The following CPLX2 variants were observed in gnomAD, a reference collection of about 807,000 sequenced individuals.
CPLX2 encodes complexin-2.
A neutral mutation model predicts 16.3 loss-of-function variants in CPLX2; 5 were observed. That is an observed-to-expected ratio of 0.31 (90% CI 0.16 to 0.64). The LOEUF (loss-of-function observed/expected upper bound fraction) is 0.64. Among genes scored for constraint, CPLX2 ranks in the 30% least tolerant of loss-of-function variants. CPLX2 has a pLI of 0.79. For synonymous variants in CPLX2, 89 were observed against 73.2 expected, an observed-to-expected ratio of 1.22 and a Z score of -1.10; for missense variants, 144 against 181.4, an observed-to-expected ratio of 0.79 and a Z score of 1.18.
intron 2 of CPLX2, among the ~76,000 whole-genome samples, chr5:175,825,299 C>T (rs1758590957): frequency 6.6e-6 from 1 of 151,702 alleles, no homozygotes; most frequent in African/African-American, 2.4e-5. Context: ...GAGGCTGAGG[C>T]AGAATTGCTT....
intron 2 of CPLX2, among the ~76,000 whole-genome samples, chr5:175,853,601 C>G (rs974364452): frequency 6.6e-6 from 1 of 152,182 alleles, no homozygotes; most frequent in African/African-American, 2.4e-5. Flanking sequence ...GGGGCAGAGT[C>G]TCTCGGAGGT....
intron 2 of CPLX2, among the ~76,000 whole-genome samples, chr5:175,847,644 G>A (rs1197649068): frequency 6.6e-6 from 1 of 152,232 alleles, no homozygotes; most frequent in Non-Finnish European, 1.5e-5. Context: ...GAGAACGGGA[G>A]GTCCTGCTTA....
At chr5:175,859,175 A>C (rs1759316720) in intron 2 of CPLX2, among the ~76,000 whole-genome samples, 1 of 152,244 alleles carries the variant, frequency 6.6e-6, no homozygotes, top group Non-Finnish European at 1.5e-5. Context: ...ATTGCAAAGA[A>C]AAAAGCATCT....
At position 175,882,355 on chromosome 5, in the gene CPLX2, G is replaced by A. The variant is rs1444645357; in HGVS notation, c.*2310G>A. Reference sequence around the variant, plus strand: ...CAGTCCCAGTGTGCGAGCCCCACTTGGACACAAGTGTTCAGAGAGGTCCCC... The same window carrying A: ...CAGTCCCAGTGTGCGAGCCCCACTTAGACACAAGTGTTCAGAGAGGTCCCC... On this transcript the variant is annotated 3_prime_UTR_variant, in exon 4 of 4. Coordinates refer to ENST00000393745, the MANE Select transcript of CPLX2 (RefSeq NM_001008220.2). 1 of 152,648 alleles carries A rather than the reference G, an allele frequency of 6.6e-6. No homozygotes were observed. The highest frequency in any genetic ancestry group is 1.5e-5 in the Non-Finnish European group (1 of 68,072). 9.5% of individuals were successfully genotyped at this position (152,648 alleles called of 1,614,324 possible). A position where few individuals can be genotyped will look rare whatever the true frequency, so the allele number is the denominator to read the frequency against.
intron 2 of CPLX2, among the ~76,000 whole-genome samples, chr5:175,850,085 A>G (rs1233244405): frequency 1.3e-5 from 2 of 152,102 alleles, no homozygotes; most frequent in Non-Finnish European, 2.9e-5. Context: ...GCAATGGCGC[A>G]GGCCGAGTGA....
upstream of CPLX2, chr5:175,871,442 A>AGAGAGAGAGAGAGAGAGAGG: frequency 1.2e-5 from 1 of 80,460 alleles, no homozygotes; most frequent in Non-Finnish European, 3.0e-5. Context: ...ACAGAGAGAG[A>AGAGAGAGAGAGAGAGAGAGG]GAGAGAGAGA....
At chr5:175,853,479 A>C (rs1759194655) in intron 2 of CPLX2, among the ~76,000 whole-genome samples, 1 of 152,084 alleles carries the variant, frequency 6.6e-6, no homozygotes, top group Non-Finnish European at 1.5e-5. Flanking sequence ...TCACCTGCTG[A>C]AAGAGCTGGG....
rs564413988 is a variant in CPLX2 at position 175,882,616 on chromosome 5, C to G, written c.*2571C>G. 3 of 152,918 alleles carry G rather than the reference C, an allele frequency of 2.0e-5. No homozygotes were observed. The highest frequency in any genetic ancestry group is 7.2e-5 in the African/African-American group (3 of 41,594). The allele number at this position is 152,918 out of a possible 1,614,324, so 9.5% of individuals were successfully genotyped here. A position where few individuals can be genotyped will look rare whatever the true frequency, so the allele number is the denominator to read the frequency against. ...TGGGATCGGGGCTTTCAGCCCCACCCTGATGCCTGCCCTCCAGGATGGCTG... is the reference window on the plus strand; with the variant it reads ...TGGGATCGGGGCTTTCAGCCCCACCGTGATGCCTGCCCTCCAGGATGGCTG... On this transcript the variant is annotated 3_prime_UTR_variant, in exon 4 of 4. Coordinates refer to ENST00000393745, the MANE Select transcript of CPLX2 (RefSeq NM_001008220.2).
In CPLX2 at chr5:175,882,522, G is replaced by A. The variant is rs1004265623; in HGVS notation, c.*2477G>A. 3.3e-5 allele frequency: 5 copies of A among 152,858 alleles called. No individual in the cohort carries two copies. The highest frequency in any genetic ancestry group is 1.2e-4 in the African/African-American group (5 of 41,470). 9.5% of individuals were successfully genotyped at this position (152,858 alleles called of 1,614,324 possible). A position where few individuals can be genotyped will look rare whatever the true frequency, so the allele number is the denominator to read the frequency against. ...CGAACCAGATACCCCAGGTGGGCCG[G>A]AGGGACCCCAGACCTTCAGAGGGCT... On this transcript the variant is annotated 3_prime_UTR_variant, in exon 4 of 4. Coordinates refer to ENST00000393745, the MANE Select transcript of CPLX2 (RefSeq NM_001008220.2).
At chr5:175,838,933 C>T (rs1187337364) in intron 2 of CPLX2, among the ~76,000 whole-genome samples, 1 of 152,246 alleles carries the variant, frequency 6.6e-6, no homozygotes, top group Non-Finnish European at 1.5e-5. Flanking sequence ...AATCCTGGCT[C>T]TGTCTCCTAA....
chr5:175,855,083 C>T (rs540737029), intron 2 of CPLX2, among the ~76,000 whole-genome samples: 32 of 152,304 alleles, frequency 2.1e-4, no homozygotes, highest in African/African-American at 7.5e-4. Flanking sequence ...GAGGGTGTAG[C>T]CAGCAAGGCT....
chr5:175,804,109 T>C (rs923971037), intron 1 of CPLX2, among the ~76,000 whole-genome samples: 1 of 152,150 alleles, frequency 6.6e-6, no homozygotes, highest in Non-Finnish European at 1.5e-5. Flanking sequence ...AAAAAAACCG[T>C]GATGAATAAA....
Position 175,830,606 on chromosome 5 carries a change from C to T in CPLX2, c.-89+21538C>T, listed in dbSNP as rs371446565. On this transcript the variant is annotated intron_variant, in intron 2 of 4. Coordinates refer to the CPLX2 transcript ENST00000359546. The surrounding 1 kb of genome is among the most constrained non-coding windows in gnomAD (Gnocchi z 4.0). ...GGACTCTGGTGGTCTCTTCGAGGGA[C>T]CCTCATACATAGCTCTGCAGGCAGG... is the stretch of plus-strand genomic sequence containing the variant. Among the ~76,000 whole-genome samples the T allele has an allele frequency of 3.9e-5, 6 of 152,372 alleles. No individual in the cohort carries two copies. In the East Asian group the frequency reaches 9.6e-4, roughly 24 times the overall value.
intron 1 of CPLX2, among the ~76,000 whole-genome samples, chr5:175,796,972 G>C (rs910736040): frequency 5.3e-5 from 8 of 152,202 alleles, no homozygotes; most frequent in African/African-American, 1.7e-4. Context: ...GGGCGCCTCG[G>C]GCTTCTCGCT....
chr5:175,879,156 T>TG, intron 3 of CPLX2, 73 bp downstream of exon 3: 1 of 1,443,094 alleles, frequency 6.9e-7, no homozygotes, highest in Admixed American at 2.3e-5. Context: ...AAGCCCCTGC[T>TG]GGGGCTCCCC....
chr5:175,838,493 C>A (rs1335225626), intron 2 of CPLX2, among the ~76,000 whole-genome samples: 2 of 152,106 alleles, frequency 1.3e-5, no homozygotes, highest in Non-Finnish European at 2.9e-5. Flanking sequence ...TGGTCTCGAT[C>A]TCCTGACCTC....
rs1581110805 is a variant in CPLX2, at chr5:175,883,614, C to T, written c.*3569C>T. The T allele has an allele frequency of 2.0e-5, 3 of 152,348 alleles. No individual in the cohort carries two copies. In the South Asian group the frequency reaches 6.2e-4, roughly 32 times the overall value. 9.4% of individuals were successfully genotyped at this position (152,348 alleles called of 1,614,324 possible). On this transcript the variant is annotated 3_prime_UTR_variant, in exon 4 of 4. Transcript: ENST00000393745. ...TCCATCCTCTAGGGTTCCACAGGCC[C>T]CTGACCGCACAGGGAGGCTGGGGCC...
chr5:175,810,734 A>G (rs1319598354), intron 2 of CPLX2, among the ~76,000 whole-genome samples: 1 of 152,224 alleles, frequency 6.6e-6, no homozygotes, highest in Admixed American at 6.5e-5. Flanking sequence ...CCAATTCTAT[A>G]ATGAATCAAT....
intron 2 of CPLX2, among the ~76,000 whole-genome samples, chr5:175,855,377 G>A (rs1759234844): frequency 6.6e-6 from 1 of 152,226 alleles, no homozygotes; most frequent in South Asian, 2.1e-4. Flanking sequence ...TGGATTAAGT[G>A]AAATAACACA....
Sources: allele counts gnomAD v4.1 joint callset (sites outside exome capture counted in the v4.1 genomes callset), GRCh38; gene constraint gnomAD v4.1.1; non-coding constraint Gnocchi (gnomAD v3.1); transcripts MANE v1.5; gene names NCBI Gene and HGNC (gene_info 2026-07-23, HGNC 2026-07-21).